Variants in MAD1L1 observed in about 807,000 individuals in gnomAD.
MAD1L1 encodes mitotic spindle assembly checkpoint protein MAD1.
MAD1L1 carries 95 observed loss-of-function variants against 96.9 expected under a neutral mutation model. The observed-to-expected ratio is 0.98, with a 90% CI of 0.83 to 1.16. MAD1L1 has a LOEUF of 1.16. Among genes scored for constraint, MAD1L1 ranks in the 50% most tolerant of loss-of-function variants. The pLI, the probability that MAD1L1 is intolerant of heterozygous loss-of-function variation, is 0.00. For missense variants in MAD1L1, 1,007 were observed against 954.4 expected (o/e 1.06, Z -0.73); for synonymous variants, 473 against 396.6 (o/e 1.19, Z -2.29).
chr7:1,835,637 C>A (rs1287158785), intron 18 of MAD1L1, among the ~76,000 whole-genome samples: 2 of 151,596 alleles, frequency 1.3e-5, no homozygotes, highest in African/African-American at 2.4e-5. Flanking sequence ...CAATCTAGAC[C>A]CCAAAAGAGG....
intron 10 of MAD1L1, 124 bp downstream of exon 10, chr7:2,213,075 AGCCCAGGACAAAT>A: frequency 1.2e-6 from 1 of 808,582 alleles, no homozygotes; most frequent in Non-Finnish European, 2.0e-6. Flanking sequence ...AAACCTGAGC[AGCCCAGGACAAAT>A]GCCCCGCACC....
chr7:1,967,581 C>T (rs1478792654), intron 15 of MAD1L1, among the ~76,000 whole-genome samples: 1 of 152,206 alleles, frequency 6.6e-6, no homozygotes, highest in African/African-American at 2.4e-5. Context: ...CAGGCATACC[C>T]AGACCCTGAC....
At chr7:2,183,852 T>C (rs1358276370) in intron 10 of MAD1L1, among the ~76,000 whole-genome samples, 1 of 151,770 alleles carries the variant, frequency 6.6e-6, no homozygotes, top group Non-Finnish European at 1.5e-5. Context: ...TGTATACATA[T>C]GTAACAAACC....
intron 10 of MAD1L1, among the ~76,000 whole-genome samples, chr7:2,211,234 T>G (rs1584560144): frequency 1.3e-5 from 2 of 151,110 alleles, no homozygotes; most frequent in Admixed American, 6.6e-5. Context: ...GAGGGCAGAG[T>G]GAACACAGAA....
At chr7:1,883,374 C>T (rs1431358062) in intron 18 of MAD1L1, among the ~76,000 whole-genome samples, 4 of 152,198 alleles carry the variant, frequency 2.6e-5, no homozygotes, top group Admixed American at 1.3e-4. Flanking sequence ...GACTCACAAA[C>T]GGCCCCGGGG....
intron 18 of MAD1L1, among the ~76,000 whole-genome samples, chr7:1,823,152 T>G (rs1782216871): frequency 6.6e-6 from 1 of 152,066 alleles, no homozygotes; most frequent in South Asian, 2.1e-4. Context: ...GGCGCTTCAG[T>G]GGAGGAAGGG....
intron 15 of MAD1L1, among the ~76,000 whole-genome samples, chr7:1,963,894 G>A (rs1395903902): frequency 6.6e-6 from 1 of 152,240 alleles, no homozygotes; most frequent in Non-Finnish European, 1.5e-5. Context: ...CAGGGTGGCC[G>A]TGCAGTGTGA....
intron 10 of MAD1L1, among the ~76,000 whole-genome samples, chr7:2,152,605 C>T (rs1480833643): frequency 6.6e-6 from 1 of 152,160 alleles, no homozygotes; most frequent in East Asian, 1.9e-4. Context: ...CCAGGACATC[C>T]TTAAAGGAAA....
intron 18 of MAD1L1, among the ~76,000 whole-genome samples, chr7:1,824,695 G>A (rs1380658904): frequency 6.6e-6 from 1 of 152,186 alleles, no homozygotes; most frequent in East Asian, 1.9e-4. Flanking sequence ...GCAGCCATAG[G>A]TCCCTGTGAA....
intron 12 of MAD1L1, among the ~76,000 whole-genome samples, chr7:2,057,855 G>A (rs1784445405): frequency 6.6e-6 from 1 of 152,214 alleles, no homozygotes; most frequent in Non-Finnish European, 1.5e-5. Context: ...CACGCTTACT[G>A]ATGGATTACC....
intron 10 of MAD1L1, among the ~76,000 whole-genome samples, chr7:2,166,626 C>T (rs1018970573): frequency 1.3e-5 from 2 of 151,882 alleles, no homozygotes; most frequent in Non-Finnish European, 2.9e-5. Context: ...CGGCAAGAAG[C>T]TCAGAACAGG....
In MAD1L1 at chr7:2,186,857, A is replaced by G. The variant is rs1791484847; in HGVS notation, c.986+26355T>C. 4.0e-5 allele frequency among the ~76,000 whole-genome samples: 6 copies of G among 151,380 alleles called. No homozygotes were observed. In the Middle Eastern group the frequency reaches 0.01, roughly 259 times the overall value. ...CCCCCACGCTGGAGTGCAGTGGCAC[A>G]ATCTCAGCTCACTGCAAGCTCCACC... On this transcript the variant is annotated intron_variant, in intron 10 of 18. Coordinates refer to ENST00000265854, the MANE Select transcript of MAD1L1 (RefSeq NM_001013836.2).
Position 2,016,480 on chromosome 7 carries a change from C to T in MAD1L1, c.1219-1838G>A, listed in dbSNP as rs541087567. On this transcript the variant is annotated intron_variant, in intron 12 of 18. Transcript: ENST00000265854. The stretch of plus-strand genomic sequence containing the variant: ...GCGGCCTCCTGAGTCTGCACGTACA[C>T]AAGCTGAGCCCCCGCCCAGGCCCCG... Among the ~76,000 whole-genome samples, 6 of 152,332 alleles carry T rather than the reference C, an allele frequency of 3.9e-5. No homozygotes were observed. In the South Asian group the frequency reaches 6.2e-4, roughly 16 times the overall value.
intron 15 of MAD1L1, among the ~76,000 whole-genome samples, chr7:1,961,593 T>G (rs1406749430): frequency 6.6e-6 from 1 of 152,216 alleles, no homozygotes; most frequent in Non-Finnish European, 1.5e-5. Flanking sequence ...AACCAAAAGT[T>G]ACAAAGTTAT....
chr7:2,041,525 C>G (rs1783673868), intron 12 of MAD1L1, among the ~76,000 whole-genome samples: 1 of 152,172 alleles, frequency 6.6e-6, no homozygotes, highest in Non-Finnish European at 1.5e-5. Flanking sequence ...TCCCCACACT[C>G]CCTTTAAAAT....
At chr7:1,973,758 C>A (rs908397350) in intron 15 of MAD1L1, among the ~76,000 whole-genome samples, 4 of 152,162 alleles carry the variant, frequency 2.6e-5, no homozygotes, top group Non-Finnish European at 4.4e-5. Context: ...CCCTCCACAT[C>A]CTGCTCTGCC....
intron 12 of MAD1L1, among the ~76,000 whole-genome samples, chr7:2,038,495 T>G: frequency 7.2e-6 from 1 of 139,050 alleles, no homozygotes; most frequent in African/African-American, 2.8e-5. Flanking sequence ...ATGAAGCTGA[T>G]GACTTTTTTT....
intron 16 of MAD1L1, among the ~76,000 whole-genome samples, chr7:1,951,878 C>T (rs1240902694): frequency 2.6e-5 from 4 of 152,142 alleles, no homozygotes; most frequent in Non-Finnish European, 1.5e-5. Context: ...TCTGGGCTAC[C>T]GTGAGCGAGG....
chr7:1,901,802 T>A (rs1480159138), intron 17 of MAD1L1, among the ~76,000 whole-genome samples: 2 of 152,152 alleles, frequency 1.3e-5, no homozygotes, highest in African/African-American at 4.8e-5. Context: ...TGCCCGGGGA[T>A]GTTGAACTCT....
Sources: gnomAD v4.1 joint callset for allele counts (sites outside exome capture counted in the v4.1 genomes callset) on GRCh38, gnomAD v4.1.1 for gene constraint, MANE v1.5 for transcripts, NCBI Gene and HGNC (gene_info 2026-07-23, HGNC 2026-07-21) for gene names.